SCAMP1: variants seen among roughly 807,000 people sequenced by gnomAD.
SCAMP1 encodes secretory carrier membrane protein 1.
In SCAMP1, 15 loss-of-function variants were observed where a neutral mutation model predicts 41.8. That is an observed-to-expected ratio of 0.36 (90% confidence interval 0.24 to 0.55). The LOEUF (loss-of-function observed/expected upper bound fraction) is 0.55. Among genes scored for constraint, SCAMP1 ranks in the 20% least tolerant of loss-of-function variants. The pLI is 0.86. For missense variants in SCAMP1, 341 were observed against 412.6 expected (o/e 0.83, Z 1.50); for synonymous variants, 135 against 136.8 (o/e 0.99, Z 0.09).
At chr5:78,466,605 T>C (rs1480784242) in intron 8 of SCAMP1, among the ~76,000 whole-genome samples, 2 of 151,846 alleles carry the variant, frequency 1.3e-5, no homozygotes, top group Non-Finnish European at 1.5e-5. Flanking sequence ...AGGAGAATTG[T>C]AGGTTGTTGG....
At chr5:78,361,608 G>T (rs1406808924) in intron 1 of SCAMP1, among the ~76,000 whole-genome samples, 2 of 152,228 alleles carry the variant, frequency 1.3e-5, no homozygotes, top group Non-Finnish European at 2.9e-5. Context: ...CATCGTCTGC[G>T]TTTAAATGAA....
chr5:78,383,046 C>G (rs1173646030), intron 1 of SCAMP1, among the ~76,000 whole-genome samples: 2 of 152,096 alleles, frequency 1.3e-5, no homozygotes, highest in Non-Finnish European at 2.9e-5. Flanking sequence ...AGTGTTTGTA[C>G]TAGTTTACAT....
In SCAMP1 at chr5:78,362,105, G is replaced by A. The variant is rs73128333; in HGVS notation, c.57+1377G>A. On this transcript the variant is annotated intron_variant, in intron 1 of 8. Coordinates refer to ENST00000621999, the MANE Select transcript of SCAMP1 (RefSeq NM_004866.6). ...TAAGACTTTTTTTTTTTTCCTGGCA[G>A]TTTTGTTTCAATTAGTATTGGACTT... Among the ~76,000 whole-genome samples, 1,300 of 151,756 alleles carry A rather than the reference G, an allele frequency of 8.6e-3. 21 individuals are homozygous for A. The highest frequency in any genetic ancestry group is 0.029 in the African/African-American group (1,215 of 41,396).
chr5:78,393,434 A>C (rs1751568555), intron 2 of SCAMP1, among the ~76,000 whole-genome samples: 1 of 152,186 alleles, frequency 6.6e-6, no homozygotes, highest in South Asian at 2.1e-4. Flanking sequence ...GGCCACCCAA[A>C]GTGCTGGGAT....
At chr5:78,388,031 C>T (rs570517355) in intron 1 of SCAMP1, among the ~76,000 whole-genome samples, 5 of 152,214 alleles carry the variant, frequency 3.3e-5, no homozygotes, top group South Asian at 2.1e-4. Context: ...CGGCGTTCCT[C>T]GGCTGTCCCA....
intron 1 of SCAMP1, among the ~76,000 whole-genome samples, chr5:78,377,693 C>T (rs2112063104): frequency 6.6e-6 from 1 of 152,284 alleles, no homozygotes; most frequent in East Asian, 1.9e-4. Context: ...ATACTTTTTA[C>T]AATTCTCAGT....
intron 3 of SCAMP1, among the ~76,000 whole-genome samples, chr5:78,415,843 TATC>T (rs1449037430): frequency 6.6e-6 from 1 of 152,232 alleles, no homozygotes; most frequent in Admixed American, 6.5e-5. Flanking sequence ...TGAATTTATG[TATC>T]ATCTCAGTGG....
intron 7 of SCAMP1, among the ~76,000 whole-genome samples, chr5:78,450,498 A>G (rs976174568): frequency 1.3e-5 from 2 of 152,208 alleles, no homozygotes; most frequent in African/African-American, 2.4e-5. Context: ...CACACACGTT[A>G]TATACATATA....
chr5:78,442,212 T>TTC (rs1159245668), intron 6 of SCAMP1, among the ~76,000 whole-genome samples: 2 of 152,256 alleles, frequency 1.3e-5, no homozygotes, highest in Non-Finnish European at 2.9e-5. Flanking sequence ...TACTGTTTAG[T>TTC]ATTCTCTGTT....
chr5:78,456,288 T>C (rs1176875934), intron 7 of SCAMP1, among the ~76,000 whole-genome samples: 2 of 151,392 alleles, frequency 1.3e-5, no homozygotes, highest in Non-Finnish European at 2.9e-5. Context: ...CTCGATGGTC[T>C]TTACATTTTG....
At chr5:78,394,139 G>GA (rs1368267621) in intron 2 of SCAMP1, among the ~76,000 whole-genome samples, 1 of 152,190 alleles carries the variant, frequency 6.6e-6, no homozygotes, top group Non-Finnish European at 1.5e-5. Flanking sequence ...CTGACAGTGT[G>GA]AGGGGGTATG....
intron 8 of SCAMP1, 65 bp from the exon 9 acceptor site, chr5:78,475,439 A>C: frequency 8.2e-7 from 1 of 1,217,060 alleles, no homozygotes; most frequent in Non-Finnish European, 1.1e-6. Flanking sequence ...GTTGAGATTA[A>C]GAGCTGCTGG....
intron 1 of SCAMP1, among the ~76,000 whole-genome samples, chr5:78,365,149 A>G (rs1484608583): frequency 6.6e-5 from 10 of 152,158 alleles, no homozygotes; most frequent in African/African-American, 2.4e-4. Flanking sequence ...TTAATTAGGT[A>G]CTAATATTTA....
intron 1 of SCAMP1, among the ~76,000 whole-genome samples, chr5:78,367,325 C>T (rs548701590): frequency 6.6e-6 from 1 of 152,214 alleles, no homozygotes; most frequent in East Asian, 1.9e-4. Flanking sequence ...CTGTTAATTG[C>T]GCTAGACTTA....
At chr5:78,402,746 C>T (rs1308740748) in intron 2 of SCAMP1, among the ~76,000 whole-genome samples, 1 of 152,038 alleles carries the variant, frequency 6.6e-6, no homozygotes, top group African/African-American at 2.4e-5. Flanking sequence ...ATCTCATAAT[C>T]TTTTAATTAG....
chr5:78,471,794 A>G lies in SCAMP1; in HGVS notation c.853-3710A>G, dbSNP rs140884139. The stretch of plus-strand genomic sequence containing the variant: ...AATTAATTTAACTTATGTTAGTGTA[A>G]CTCATTTATATACATTCTGATTTGA... On this transcript the variant is annotated intron_variant, in intron 8 of 8. Transcript: ENST00000621999. Among the ~76,000 whole-genome samples, 692 of 152,250 alleles carry G rather than the reference A, an allele frequency of 4.5e-3. 7 individuals carry two copies. The highest frequency in any genetic ancestry group is 0.016 in the African/African-American group (665 of 41,556).
chr5:78,426,122 A>G (rs1016500017), intron 6 of SCAMP1, among the ~76,000 whole-genome samples: 1 of 152,000 alleles, frequency 6.6e-6, no homozygotes, highest in Non-Finnish European at 1.5e-5. Context: ...AAGGACATGA[A>G]CTCATTTCTT....
chr5:78,365,490 A>G (rs1396517293), intron 1 of SCAMP1, among the ~76,000 whole-genome samples: 6 of 151,586 alleles, frequency 4.0e-5, no homozygotes, highest in Non-Finnish European at 8.8e-5. Context: ...AAAAAAAAAA[A>G]AAAAAAAAGT....
intron 8 of SCAMP1, among the ~76,000 whole-genome samples, chr5:78,470,992 A>G (rs56685824): frequency 0.028 from 4,332 of 152,262 alleles, 223 homozygotes; most frequent in African/African-American, 0.097. Flanking sequence ...AATGAGGACA[A>G]TTTTGGAACA....
Sources: gnomAD v4.1 joint callset for allele counts (sites outside exome capture counted in the v4.1 genomes callset) on GRCh38, gnomAD v4.1.1 for gene constraint, MANE v1.5 for transcripts, NCBI Gene and HGNC (gene_info 2026-07-23, HGNC 2026-07-21) for gene names.